Variants in DIP2C observed in about 807,000 individuals in gnomAD.
DIP2C encodes the protein disco-interacting protein 2 homolog C.
A neutral mutation model predicts 192.4 loss-of-function variants in DIP2C; 33 were observed. The ratio of observed to expected loss-of-function variants is 0.17; its 90% CI spans 0.13 to 0.23. The LOEUF (loss-of-function observed/expected upper bound fraction) is 0.23, where lower values mean the gene tolerates loss of function less well. Ranked by LOEUF, DIP2C falls within the 10% of genes least tolerant of loss-of-function variation. The pLI is 1.00. For missense variants in DIP2C, 1,537 were observed against 2,110.1 expected (o/e 0.73, Z 5.32); for synonymous variants, 979 against 864.1 (o/e 1.13, Z -2.33).
intron 1 of DIP2C, among the ~76,000 whole-genome samples, chr10:579,977 T>C (rs929235421): frequency 1.8e-4 from 27 of 151,688 alleles, no homozygotes. Flanking sequence ...ATAGCCAATG[T>C]ACATATACAG....
At chr10:286,846 T>C (rs1359903896) in intron 33 of DIP2C, among the ~76,000 whole-genome samples, 1 of 152,142 alleles carries the variant, frequency 6.6e-6, no homozygotes, top group Non-Finnish European at 1.5e-5. Context: ...GGGAGTCACA[T>C]AGTGACGTTT....
chr10:292,242 C>T (rs1010374729), intron 32 of DIP2C, among the ~76,000 whole-genome samples: 3 of 152,250 alleles, frequency 2.0e-5, no homozygotes, highest in African/African-American at 7.2e-5. Context: ...ACCATTACTG[C>T]TGACACCCTT....
chr10:319,990 C>G (rs1348047518), intron 31 of DIP2C, among the ~76,000 whole-genome samples: 1 of 152,170 alleles, frequency 6.6e-6, no homozygotes, highest in Non-Finnish European at 1.5e-5. Context: ...GTGAATGACT[C>G]TTAAGGTGCA....
rs1959828376 is a variant in DIP2C, at chr10:363,717, T to C, written c.2478-406A>G. Among the ~76,000 whole-genome samples the C allele has an allele frequency of 6.6e-6, 1 of 152,196 alleles. No individual in the cohort carries two copies. The highest frequency in any genetic ancestry group is 2.4e-5 in the African/African-American group (1 of 41,444). Reference sequence around the variant, plus strand: ...AATTTGCCGTTTCAGAACTAGTGATTTTCTGCTAAGTGTATGTGCCTTATA... The same window carrying C: ...AATTTGCCGTTTCAGAACTAGTGATCTTCTGCTAAGTGTATGTGCCTTATA... On this transcript the variant is annotated intron_variant, in intron 20 of 36. Coordinates refer to ENST00000280886, the MANE Select transcript of DIP2C (RefSeq NM_014974.3). This position sits in a 1 kb window ranked among gnomAD's most constrained non-coding sequence, Gnocchi z 5.4.
At chr10:418,377 C>A (rs1353044955) in intron 6 of DIP2C, among the ~76,000 whole-genome samples, 2 of 151,780 alleles carry the variant, frequency 1.3e-5, no homozygotes, top group Non-Finnish European at 2.9e-5. Context: ...GTCCCGTGCA[C>A]CGCAAGATGA....
At chr10:679,500 A>C (rs145213747) in intron 1 of DIP2C, among the ~76,000 whole-genome samples, 1 of 3,006 alleles carries the variant, frequency 3.3e-4, no homozygotes, top group Non-Finnish European at 7.0e-4. Flanking sequence ...CCTGCTCCCC[A>C]CACCCGTGCT....
Position 399,196 on chromosome 10 carries a change from A to G in DIP2C, c.1173T>C (p.Asn391=). The change falls in exon 10 of 37, where the codon AAT becomes AAC. Residue 391 remains asparagine, a synonymous_variant. Coordinates refer to ENST00000280886, the MANE Select transcript of DIP2C (RefSeq NM_014974.3). ...AAGCCGCCATGAAGGCAGCCGGATC[A>G]TTGTTGGGGAACACCAGTGCCACCT... ...GDRVALVFPN[N]DPAAFMAAFY... The G allele has an allele frequency of 6.2e-7, 1 of 1,614,072 alleles. No homozygotes were observed. The highest frequency in any genetic ancestry group is 1.6e-4 in the Middle Eastern group (1 of 6,062).
At chr10:462,787 C>CA (rs1281739918) in intron 3 of DIP2C, among the ~76,000 whole-genome samples, 1 of 152,158 alleles carries the variant, frequency 6.6e-6, no homozygotes, top group Non-Finnish European at 1.5e-5. Flanking sequence ...AAAATGCTGG[C>CA]AAACTGAATC....
intron 1 of DIP2C, among the ~76,000 whole-genome samples, chr10:686,134 G>A (rs1373584140): frequency 1.3e-5 from 2 of 152,222 alleles, no homozygotes; most frequent in East Asian, 1.9e-4. Flanking sequence ...GTAGGGAAGA[G>A]AAGGGAGAAG....
intron 1 of DIP2C, among the ~76,000 whole-genome samples, chr10:521,473 C>A (rs1005850961): frequency 6.6e-6 from 1 of 152,212 alleles, no homozygotes; most frequent in African/African-American, 2.4e-5. Flanking sequence ...GTCTCGCTTC[C>A]TCTCTGCCCC....
At chr10:535,285 T>C (rs570121820) in intron 1 of DIP2C, among the ~76,000 whole-genome samples, 1 of 150,804 alleles carries the variant, frequency 6.6e-6, no homozygotes, top group South Asian at 2.1e-4. Flanking sequence ...GGGCCAGGGG[T>C]GGGGAGAGGA....
intron 1 of DIP2C, among the ~76,000 whole-genome samples, chr10:492,001 G>A (rs943123171): frequency 6.6e-6 from 1 of 152,088 alleles, no homozygotes; most frequent in Non-Finnish European, 1.5e-5. Context: ...AGAAAACAGG[G>A]GCAAGAGGAA....
chr10:586,859 A>G (rs1002109784), intron 1 of DIP2C, among the ~76,000 whole-genome samples: 43 of 149,320 alleles, frequency 2.9e-4, no homozygotes, highest in Non-Finnish European at 6.2e-4. Context: ...TGTGGGGAAA[A>G]CCCCACAACA....
At chr10:307,825 CGG>C (rs1316167133) in intron 32 of DIP2C, among the ~76,000 whole-genome samples, 4 of 149,586 alleles carry the variant, frequency 2.7e-5, no homozygotes, top group African/African-American at 1.0e-4. Flanking sequence ...GGTGCCTGGG[CGG>C]GGCCCGGCAC....
intron 31 of DIP2C, among the ~76,000 whole-genome samples, chr10:323,502 C>T (rs1254382962): frequency 6.6e-6 from 1 of 152,224 alleles, no homozygotes. Context: ...CAGACACCCC[C>T]GTTTCCACAC....
At chr10:441,601 G>A (rs1362895902) in intron 3 of DIP2C, among the ~76,000 whole-genome samples, 2 of 152,138 alleles carry the variant, frequency 1.3e-5, no homozygotes, top group African/African-American at 4.8e-5. Context: ...TGGTTTATTA[G>A]AGGTTTCCGC....
rs527946870 is a variant in DIP2C, at chr10:543,599, G to C, written c.86-57069C>G. On this transcript the variant is annotated intron_variant, in intron 1 of 36. Coordinates refer to ENST00000280886, the MANE Select transcript of DIP2C (RefSeq NM_014974.3). The stretch of plus-strand genomic sequence containing the variant: ...TGTAACATATAGTATGGATCGTTGT[G>C]TCTCCTAGGCTCAAACACATCCTTT... Among the ~76,000 whole-genome samples, 40 of 152,332 alleles carry C rather than the reference G, an allele frequency of 2.6e-4. No homozygotes were observed. The South Asian group carries it at 5.4e-3, about 21-fold the overall frequency.
At chr10:586,420 C>T (rs1401196364) in intron 1 of DIP2C, among the ~76,000 whole-genome samples, 1 of 152,172 alleles carries the variant, frequency 6.6e-6, no homozygotes, top group Non-Finnish European at 1.5e-5. Flanking sequence ...GACCACCAAC[C>T]TCACGCCACC....
rs73575978 is a variant in DIP2C at position 471,240 on chromosome 10, T to C, written c.268+1199A>G. On this transcript the variant is annotated intron_variant, in intron 3 of 36. Coordinates refer to ENST00000280886, the MANE Select transcript of DIP2C (RefSeq NM_014974.3). ...TTCAGGCTCTCAGGTGTGTCCTCTT[T>C]TGCATGGGTGACACTCTCTGAGGCC... 6.4e-3 allele frequency among the ~76,000 whole-genome samples: 980 copies of C among 152,096 alleles called. 14 individuals are homozygous for C. The highest frequency in any genetic ancestry group is 0.023 in the African/African-American group (942 of 41,480).
Sources: allele counts gnomAD v4.1 joint callset (sites outside exome capture counted in the v4.1 genomes callset), GRCh38; gene constraint gnomAD v4.1.1; non-coding constraint Gnocchi (gnomAD v3.1); transcripts MANE v1.5; gene names NCBI Gene and HGNC (gene_info 2026-07-23, HGNC 2026-07-21).